SATB2: variants seen among roughly 807,000 people sequenced by gnomAD.
The protein encoded by SATB2 is DNA-binding protein SATB2.
A neutral mutation model predicts 73.4 loss-of-function variants in SATB2; 1 was observed. The ratio of observed to expected loss-of-function variants is 0.01; its 90% CI spans 0.00 to 0.06. The LOEUF (loss-of-function observed/expected upper bound fraction) is 0.06. SATB2 is among the 10% of genes least tolerant of loss of function. The pLI is 1.00. For missense variants in SATB2, 459 were observed against 945.8 expected (o/e 0.49, Z 6.75); for synonymous variants, 397 against 367.0 (o/e 1.08, Z -0.93).
At chr2:199,332,737 T>C (rs1688223807) in intron 7 of SATB2, among the ~76,000 whole-genome samples, 1 of 152,208 alleles carries the variant, frequency 6.6e-6, no homozygotes, top group Non-Finnish European at 1.5e-5. Flanking sequence ...ACAATTTATA[T>C]AGTTTGTCCC....
intron 3 of SATB2, among the ~76,000 whole-genome samples, chr2:199,397,229 A>G (rs1316456104): frequency 6.6e-6 from 1 of 152,254 alleles, no homozygotes; most frequent in African/African-American, 2.4e-5. Flanking sequence ...CAGCTAGCAG[A>G]GACTCCAAAT....
rs1361195190 is a variant in SATB2, at chr2:199,348,494, A to G, written c.1173+207T>C. 1.0e-5 allele frequency: 6 copies of G among 600,870 alleles called. No individual in the cohort carries two copies. In the South Asian group the frequency reaches 1.2e-4, roughly 12 times the overall value. The allele number at this position is 600,870 out of a possible 1,614,324, so 37.2% of individuals were successfully genotyped here. ...CATGTTGGGTTCAAAGATGTCCATT[A>G]CCTCATCAAAATTAATCAATTAGTT... is the stretch of plus-strand genomic sequence containing the variant. On this transcript the variant is annotated intron_variant, in intron 7 of 10. Coordinates refer to ENST00000417098, the MANE Select transcript of SATB2 (RefSeq NM_001172509.2).
At chr2:199,276,034 C>T (rs1692303263) in intron 10 of SATB2, among the ~76,000 whole-genome samples, 1 of 152,206 alleles carries the variant, frequency 6.6e-6, no homozygotes, top group Non-Finnish European at 1.5e-5. Flanking sequence ...GAGTTACTGT[C>T]TCTAGACAAT....
chr2:199,351,178 T>A lies in SATB2; in HGVS notation c.701-2005A>T, dbSNP rs545569972. ...TTTGCTTGCTTTTTTTTTTTTTTTT[T>A]AAGACAGAGTTTCACTCTTGTTGCC... is the stretch of plus-strand genomic sequence containing the variant. On this transcript the variant is annotated intron_variant, in intron 6 of 10. Transcript: ENST00000417098. 1.7e-3 allele frequency among the ~76,000 whole-genome samples: 250 copies of A among 150,484 alleles called. 1 individual carries two copies. Among genetic ancestry groups the A allele is most frequent in the African/African-American group, 5.6e-3 (226 of 40,688 alleles).
intron 9 of SATB2, among the ~76,000 whole-genome samples, chr2:199,317,906 A>C (rs1347743782): frequency 6.6e-6 from 1 of 151,928 alleles, no homozygotes; most frequent in Non-Finnish European, 1.5e-5. Flanking sequence ...GGCATATAAT[A>C]TTTTTCAAAT....
At chr2:199,329,238 G>T in intron 7 of SATB2, 1 of 346,334 alleles carries the variant, frequency 2.9e-6, no homozygotes, top group Non-Finnish European at 5.5e-6. Context: ...AGTATTTCAG[G>T]AACTGTTAGA....
chr2:199,391,183 C>T (rs200882059), intron 3 of SATB2, among the ~76,000 whole-genome samples: 147 of 152,116 alleles, frequency 9.7e-4, no homozygotes, highest in African/African-American at 3.4e-3. Context: ...CGGTGGCTCA[C>T]GCCTGTAATC....
rs1363138487 is a variant in SATB2 at position 199,270,389 on chromosome 2, T to A, written c.*1822A>T. 1 of 152,578 alleles carries A rather than the reference T, an allele frequency of 6.6e-6. No homozygotes were observed. Among genetic ancestry groups the A allele is most frequent in the East Asian group, 1.9e-4 (1 of 5,310 alleles). The allele number at this position is 152,578 out of a possible 1,614,324, so 9.5% of individuals were successfully genotyped here. A position where few individuals can be genotyped will look rare whatever the true frequency, so the allele number is the denominator to read the frequency against. The stretch of plus-strand genomic sequence containing the variant: ...TTTTTTTTTTAACTCCTACCTTTTA[T>A]ACCTTTCAAATATATAAATAGTATT... On this transcript the variant is annotated 3_prime_UTR_variant, in exon 11 of 11. Coordinates refer to ENST00000417098, the MANE Select transcript of SATB2 (RefSeq NM_001172509.2).
intron 6 of SATB2, among the ~76,000 whole-genome samples, chr2:199,354,260 G>A (rs774046105): frequency 6.6e-5 from 10 of 152,166 alleles, no homozygotes; most frequent in Non-Finnish European, 1.3e-4. Context: ...GGAGGCTGAG[G>A]CAGGAGAATC....
intron 7 of SATB2, among the ~76,000 whole-genome samples, chr2:199,333,170 G>A (rs1475522776): frequency 4.0e-5 from 6 of 151,488 alleles, no homozygotes; most frequent in African/African-American, 1.5e-4. Context: ...AAAAAAAACA[G>A]ATCAGTCTAT....
intron 6 of SATB2, among the ~76,000 whole-genome samples, chr2:199,365,789 T>A (rs187712609): frequency 6.6e-6 from 1 of 152,182 alleles, no homozygotes; most frequent in East Asian, 1.9e-4. Flanking sequence ...AATCTGATCT[T>A]TTTTTTGTCC....
chr2:199,447,447 C>T (rs1023538148), intron 2 of SATB2, among the ~76,000 whole-genome samples: 4 of 152,148 alleles, frequency 2.6e-5, no homozygotes, highest in African/African-American at 9.7e-5. Context: ...ACTCTCTCCC[C>T]TTCAGCCTAG....
chr2:199,455,956 G>A lies in SATB2; in HGVS notation c.82C>T (p.Pro28Ser). The change falls in exon 2 of 11, where the codon CCA becomes TCA. Residue 28 changes from proline (P) to serine (S), a missense_variant. Around this residue, in one of 13 missense-constraint regions of SATB2, gnomAD observed 74 missense variants for 113.3 expected, o/e 0.65. Coordinates refer to ENST00000417098, the MANE Select transcript of SATB2 (RefSeq NM_001172509.2). This position sits in a 1 kb window ranked among gnomAD's most constrained non-coding sequence, Gnocchi z 4.1. ...SGSPDVKGPPPVKVARLEQNG... is the reference protein window; with the variant it reads ...SGSPDVKGPPSVKVARLEQNG... ...TGCTCCAGCCGGGCCACCTTCACTG[G>A]GGGAGGCCCCTTGACGTCCGGGCTG... is the stretch of plus-strand genomic sequence containing the variant. The A allele has an allele frequency of 6.5e-7, 1 of 1,538,744 alleles. No homozygotes were observed. Among genetic ancestry groups the A allele is most frequent in the Non-Finnish European group, 8.7e-7 (1 of 1,147,556 alleles).
rs1692253209 is a variant in SATB2 at position 199,455,747 on chromosome 2, G to A, written c.169+122C>T. 8.8e-7 allele frequency: 1 copy of A among 1,137,262 alleles called. No individual in the cohort carries two copies. 70.4% of individuals were successfully genotyped at this position (1,137,262 alleles called of 1,614,324 possible). ...TGAGAGGCGACGGGGGCATTATTTG[G>A]CAACCTGGAATTCACTTCCTGTAAT... On this transcript the variant is annotated intron_variant, in intron 2 of 10. Coordinates refer to ENST00000417098, the MANE Select transcript of SATB2 (RefSeq NM_001172509.2). This position sits in a 1 kb window ranked among gnomAD's most constrained non-coding sequence, Gnocchi z 4.1.
intron 3 of SATB2, among the ~76,000 whole-genome samples, chr2:199,383,441 G>A (rs1043989265): frequency 7.9e-5 from 12 of 152,128 alleles, no homozygotes; most frequent in African/African-American, 2.9e-4. Context: ...ATACTAAAAA[G>A]AAACCATGTA....
chr2:199,345,881 G>A (rs887177371), intron 7 of SATB2, among the ~76,000 whole-genome samples: 1 of 152,030 alleles, frequency 6.6e-6, no homozygotes, highest in Non-Finnish European at 1.5e-5. Flanking sequence ...TCTTGTCTTG[G>A]CACTCAAGGC....
intron 7 of SATB2, among the ~76,000 whole-genome samples, chr2:199,338,144 A>G (rs1688390490): frequency 6.6e-6 from 1 of 151,858 alleles, no homozygotes; most frequent in Non-Finnish European, 1.5e-5. Flanking sequence ...CAGGCAGATC[A>G]TTTGAGGTCA....
At chr2:199,275,140 C>T (rs905103968) in intron 10 of SATB2, among the ~76,000 whole-genome samples, 1 of 152,104 alleles carries the variant, frequency 6.6e-6, no homozygotes, top group Non-Finnish European at 1.5e-5. Context: ...CATAACGGTT[C>T]CATTTAATTG....
chr2:199,466,891 T>C (rs1435060575), upstream of SATB2, among the ~76,000 whole-genome samples: 2 of 152,254 alleles, frequency 1.3e-5, no homozygotes, highest in Non-Finnish European at 1.5e-5. Flanking sequence ...CCAAGCTCTA[T>C]TTACAAGAAC....
Sources: allele counts gnomAD v4.1 joint callset (sites outside exome capture counted in the v4.1 genomes callset), GRCh38; gene constraint gnomAD v4.1.1; regional missense constraint gnomAD v4.1.1; non-coding constraint Gnocchi (gnomAD v3.1); transcripts MANE v1.5; gene names NCBI Gene and HGNC (gene_info 2026-07-23, HGNC 2026-07-21).